The following CSRNP3 variants were observed in gnomAD, a reference collection of about 807,000 sequenced individuals.
CSRNP3 encodes the protein cysteine/serine-rich nuclear protein 3.
Under a neutral mutation model 48.0 loss-of-function variants are expected in CSRNP3, and 12 were observed. The observed-to-expected ratio is 0.25, with a 90% CI of 0.16 to 0.41. The LOEUF (loss-of-function observed/expected upper bound fraction) is 0.41. Among genes scored for constraint, CSRNP3 ranks in the 10% least tolerant of loss-of-function variants. The pLI is 1.00. For missense variants in CSRNP3, 580 were observed against 724.4 expected (o/e 0.80, Z 2.29); for synonymous variants, 263 against 269.7 (o/e 0.98, Z 0.24).
chr2:165,586,810 G>T (rs573985053), intron 3 of CSRNP3, among the ~76,000 whole-genome samples: 75 of 152,264 alleles, frequency 4.9e-4, no homozygotes, highest in African/African-American at 1.7e-3. Context: ...AAATAAACAA[G>T]ATTTCAAGAT....
intron 3 of CSRNP3, among the ~76,000 whole-genome samples, chr2:165,592,014 A>G (rs989265198): frequency 2.6e-5 from 4 of 152,180 alleles, no homozygotes; most frequent in Non-Finnish European, 5.9e-5. Flanking sequence ...AAAAGCCACA[A>G]ACACTCAATG....
chr2:165,526,992 A>G (rs1684740162), intron 3 of CSRNP3, among the ~76,000 whole-genome samples: 1 of 152,196 alleles, frequency 6.6e-6, no homozygotes, highest in Non-Finnish European at 1.5e-5. Context: ...GATAATATTT[A>G]AAGTAATAAA....
In CSRNP3 at chr2:165,536,198, T is replaced by C. The variant is rs371988757; in HGVS notation, c.-24+18237T>C. 1.1e-4 allele frequency among the ~76,000 whole-genome samples: 17 copies of C among 152,056 alleles called. No homozygotes were observed. The East Asian group carries it at 1.4e-3, about 12-fold the overall frequency. ...TGTTCTAAGCTTTTTTCAGTTTAAA[T>C]ATAATAGCGTCTTATGTATTCTATT... On this transcript the variant is annotated intron_variant, in intron 3 of 6. Transcript: ENST00000651982.
At chr2:165,597,293 A>G (rs1349196187) in intron 4 of CSRNP3, among the ~76,000 whole-genome samples, 1 of 152,188 alleles carries the variant, frequency 6.6e-6, no homozygotes, top group East Asian at 1.9e-4. Flanking sequence ...GGCATTTCTA[A>G]TGTGCCCTAC....
At chr2:165,558,740 A>G (rs1233619200) in intron 3 of CSRNP3, among the ~76,000 whole-genome samples, 3 of 152,202 alleles carry the variant, frequency 2.0e-5, no homozygotes, top group Non-Finnish European at 2.9e-5. Context: ...GAAAGTGTCA[A>G]TGATTTTACG....
chr2:165,617,783 A>G (rs1342864135), intron 4 of CSRNP3, among the ~76,000 whole-genome samples: 2 of 152,138 alleles, frequency 1.3e-5, no homozygotes, highest in African/African-American at 4.8e-5. Flanking sequence ...TCAGCTCCCT[A>G]TGTCCTGTGC....
At chr2:165,586,135 A>G (rs1232105075) in intron 3 of CSRNP3, among the ~76,000 whole-genome samples, 2 of 152,170 alleles carry the variant, frequency 1.3e-5, no homozygotes, top group Non-Finnish European at 2.9e-5. Flanking sequence ...ACTTCCTGTC[A>G]AGTTCATTTC....
chr2:165,641,453 T>G (rs1686720003), intron 4 of CSRNP3, among the ~76,000 whole-genome samples: 1 of 152,220 alleles, frequency 6.6e-6, no homozygotes, highest in Non-Finnish European at 1.5e-5. Context: ...CCAGGATTAT[T>G]CACATACTCA....
rs1687650846 is a variant in CSRNP3 at position 165,687,590 on chromosome 2, T to C, written c.*7837T>C. On this transcript the variant is annotated 3_prime_UTR_variant, in exon 7 of 7. Transcript: ENST00000651982. ...CTCCTCCTGTGGGAGATAGGAATAGTTGTGAAGAGTCTGATGGAATAAAAT... is the reference window on the plus strand; with the variant it reads ...CTCCTCCTGTGGGAGATAGGAATAGCTGTGAAGAGTCTGATGGAATAAAAT... The C allele has an allele frequency of 6.6e-6, 1 of 152,084 alleles. No homozygotes were observed. Among genetic ancestry groups the C allele is most frequent in the Admixed American group, 6.6e-5 (1 of 15,250 alleles). The allele number at this position is 152,084 out of a possible 1,614,324, so 9.4% of individuals were successfully genotyped here.
At chr2:165,635,081 G>C (rs1300322027) in intron 4 of CSRNP3, among the ~76,000 whole-genome samples, 1 of 152,204 alleles carries the variant, frequency 6.6e-6, no homozygotes, top group East Asian at 1.9e-4. Context: ...CTCAGCTGAG[G>C]GAGCTGATTG....
chr2:165,602,237 T>C (rs1420804236), intron 4 of CSRNP3, among the ~76,000 whole-genome samples: 2 of 152,062 alleles, frequency 1.3e-5, no homozygotes, highest in Non-Finnish European at 1.5e-5. Flanking sequence ...TGTAATAATA[T>C]GCTTATAAGA....
At chr2:165,586,767 G>C (rs955538921) in intron 3 of CSRNP3, among the ~76,000 whole-genome samples, 1 of 152,136 alleles carries the variant, frequency 6.6e-6, no homozygotes, top group African/African-American at 2.4e-5. Flanking sequence ...ATCTATGAAA[G>C]CCATGGAATT....
chr2:165,574,330 T>G, intron 3 of CSRNP3: 1 of 1,538,250 alleles, frequency 6.5e-7, no homozygotes, highest in Non-Finnish European at 8.8e-7. Flanking sequence ...GTACTGGGGT[T>G]CTCTGCAGCA....
intron 3 of CSRNP3, among the ~76,000 whole-genome samples, chr2:165,584,728 C>T (rs1317511611): frequency 6.6e-6 from 1 of 152,134 alleles, no homozygotes. Flanking sequence ...CTAAAGAAGT[C>T]ATTTCTTTTA....
At chr2:165,612,852 T>C (rs1167841665) in intron 4 of CSRNP3, among the ~76,000 whole-genome samples, 1 of 152,108 alleles carries the variant, frequency 6.6e-6, no homozygotes, top group Non-Finnish European at 1.5e-5. Context: ...GTTGATTCTG[T>C]ATACTGGCTA....
chr2:165,567,984 G>A (rs539831424), intron 3 of CSRNP3, among the ~76,000 whole-genome samples: 1 of 152,166 alleles, frequency 6.6e-6, no homozygotes, highest in Non-Finnish European at 1.5e-5. Context: ...TTTCATTAAT[G>A]CTCTTTTGGA....
At position 165,683,568 on chromosome 2, in the gene CSRNP3, C is replaced by A. The variant is rs527640071; in HGVS notation, c.*3815C>A. 6.6e-6 allele frequency: 1 copy of A among 152,024 alleles called. No homozygotes were observed. The highest frequency in any genetic ancestry group is 1.5e-5 in the Non-Finnish European group (1 of 67,980). 9.4% of individuals were successfully genotyped at this position (152,024 alleles called of 1,614,324 possible). A position where few individuals can be genotyped will look rare whatever the true frequency, so the allele number is the denominator to read the frequency against. The stretch of plus-strand genomic sequence containing the variant: ...TTGCTAATCACTGTTTCTTTTATTT[C>A]AATTTTTGATATTGTTGCACAAGTT... On this transcript the variant is annotated 3_prime_UTR_variant, in exon 7 of 7. Coordinates refer to ENST00000651982, the MANE Select transcript of CSRNP3 (RefSeq NM_001172173.2).
chr2:165,503,624 A>G (rs766281777), intron 2 of CSRNP3, among the ~76,000 whole-genome samples: 3 of 152,022 alleles, frequency 2.0e-5, no homozygotes, highest in Non-Finnish European at 4.4e-5. Flanking sequence ...TTGTTATGCC[A>G]TTGGAATTAC....
chr2:165,587,107 A>C (rs1685645343), intron 3 of CSRNP3, among the ~76,000 whole-genome samples: 1 of 152,236 alleles, frequency 6.6e-6, no homozygotes, highest in African/African-American at 2.4e-5. Context: ...TTTTTCATAA[A>C]TGTGCTCACA....
Sources: gnomAD v4.1 joint callset for allele counts (sites outside exome capture counted in the v4.1 genomes callset) on GRCh38, gnomAD v4.1.1 for gene constraint, MANE v1.5 for transcripts, NCBI Gene and HGNC (gene_info 2026-07-23, HGNC 2026-07-21) for gene names.